The following SERINC3 variants were observed in gnomAD, a reference collection of about 807,000 sequenced individuals.
SERINC3 encodes the protein tumor differentially expressed protein 1.
SERINC3 carries 22 observed loss-of-function variants against 52.1 expected under a neutral mutation model. The observed-to-expected ratio is 0.42, with a 90% CI of 0.30 to 0.60. The LOEUF (loss-of-function observed/expected upper bound fraction) is 0.60, where lower values mean the gene tolerates loss of function less well. Among genes scored for constraint, SERINC3 ranks in the 20% least tolerant of loss-of-function variants. The pLI, the probability that SERINC3 is intolerant of heterozygous loss-of-function variation, is 0.16. For missense variants in SERINC3, 564 were observed against 584.6 expected (o/e 0.96, Z 0.36); for synonymous variants, 226 against 212.7 (o/e 1.06, Z -0.54).
chr20:44,514,101 A>G, intron 1 of SERINC3, 61 bp from the exon 2 acceptor site: 1 of 1,524,714 alleles, frequency 6.6e-7, no homozygotes, highest in Non-Finnish European at 8.8e-7. Flanking sequence ...TATGACACAG[A>G]TGTCGCAGAA....
chr20:44,515,775 C>T (rs764267132), intron 1 of SERINC3, among the ~76,000 whole-genome samples: 12 of 151,650 alleles, frequency 7.9e-5, no homozygotes, highest in Non-Finnish European at 1.5e-4. Context: ...TTTAGCCTCC[C>T]AAGTAGCTGG....
chr20:44,512,325 C>CAAAA (rs920134707), intron 3 of SERINC3, among the ~76,000 whole-genome samples: 2 of 49,344 alleles, frequency 4.1e-5, no homozygotes, highest in Admixed American at 5.1e-4. Context: ...AAAAACAAAA[C>CAAAA]AAAAAAAAAA....
At position 44,500,302 on chromosome 20, in the gene SERINC3, G is replaced by T; in HGVS notation, c.1416C>A (p.Phe472Leu). ...GTCCTTGGCACTCAGAGGTTCAGCT[G>T]AAGTCCCGACTGGTGAGGACAAGTG... Reference protein sequence around the residue: ...VAPLVLTSRDFS With the variant: ...VAPLVLTSRDLS Residue 472 changes from phenylalanine (F) to leucine (L), a missense_variant, in exon 10 of 10, where the codon TTC becomes TTA. Transcript: ENST00000342374. 3.1e-6 allele frequency: 5 copies of T among 1,611,828 alleles called. No individual in the cohort carries two copies. Among genetic ancestry groups the T allele is most frequent in the Non-Finnish European group, 4.2e-6 (5 of 1,179,076 alleles).
chr20:44,501,394 G>A (rs1189129799), intron 8 of SERINC3, 94 bp from the exon 9 acceptor site: 1 of 1,008,360 alleles, frequency 9.9e-7, no homozygotes, highest in Non-Finnish European at 1.5e-6. Flanking sequence ...CTGCTGAGCT[G>A]TTCCTACTTT....
downstream of SERINC3, chr20:44,496,378 C>T (rs1193275383): frequency 6.6e-6 from 1 of 152,336 alleles, no homozygotes; most frequent in African/African-American, 2.4e-5. Flanking sequence ...ACGGACAGAC[C>T]AACACAACAG....
chr20:44,515,377 A>G (rs1188030891), intron 1 of SERINC3, among the ~76,000 whole-genome samples: 6 of 152,228 alleles, frequency 3.9e-5, no homozygotes, highest in Admixed American at 2.0e-4. Context: ...TTATTCAGAC[A>G]TAATAGATAG....
chr20:44,510,715 C>T (rs73615468), intron 4 of SERINC3, among the ~76,000 whole-genome samples: 2,003 of 151,928 alleles, frequency 0.013, 22 homozygotes, highest in East Asian at 0.062. Flanking sequence ...GGGAGACTGA[C>T]GCAGAGAACT....
At chr20:44,513,807 A>G in intron 2 of SERINC3, 72 bp downstream of exon 2, 1 of 1,337,066 alleles carries the variant, frequency 7.5e-7, no homozygotes, top group Non-Finnish European at 1.0e-6. Context: ...AACAACGACG[A>G]AATAAAACTA....
intron 1 of SERINC3, among the ~76,000 whole-genome samples, chr20:44,518,241 A>G (rs2064392825): frequency 1.3e-5 from 2 of 149,116 alleles, no homozygotes; most frequent in South Asian, 4.2e-4. Context: ...CAGGCAGATC[A>G]CCTGAGGTCA....
At chr20:44,514,726 A>G (rs1211315885) in intron 1 of SERINC3, among the ~76,000 whole-genome samples, 2 of 152,144 alleles carry the variant, frequency 1.3e-5, no homozygotes, top group Non-Finnish European at 2.9e-5. Context: ...GCGCCACTGC[A>G]CTCCAGCCTG....
At chr20:44,504,610 A>C (rs1445604478) in intron 7 of SERINC3, among the ~76,000 whole-genome samples, 191 bp downstream of exon 7, 1 of 152,256 alleles carries the variant, frequency 6.6e-6, no homozygotes, top group African/African-American at 2.4e-5. Context: ...GTCAGTTATA[A>C]ATAGCTATCA....
chr20:44,510,058 T>C lies in SERINC3; in HGVS notation c.476-30A>G, dbSNP rs201452558. The C allele has an allele frequency of 2.5e-6, 4 of 1,608,472 alleles. No individual in the cohort carries two copies. The East Asian group carries it at 6.7e-5, about 27-fold the overall frequency. On this transcript the variant is annotated intron_variant, in intron 4 of 9. Coordinates refer to ENST00000342374, the MANE Select transcript of SERINC3 (RefSeq NM_006811.4). ...AAGAACCAAGAGAACAAAGTTATTCTCTACCATAGAGTAACATTTCAGAAG... is the reference window on the plus strand; with the variant it reads ...AAGAACCAAGAGAACAAAGTTATTCCCTACCATAGAGTAACATTTCAGAAG...
rs745780995 is a variant in SERINC3, at chr20:44,503,946, T to A, written c.924A>T (p.Ala308=). The A allele has an allele frequency of 2.5e-5, 40 of 1,604,934 alleles. No individual in the cohort carries two copies. The highest frequency in any genetic ancestry group is 3.2e-5 in the Non-Finnish European group (38 of 1,177,402). Residue 308 remains alanine, a synonymous_variant, in exon 8 of 10, where the codon GCA becomes GCT. Coordinates refer to ENST00000342374, the MANE Select transcript of SERINC3 (RefSeq NM_006811.4). The stretch of plus-strand genomic sequence containing the variant: ...TTGAATTTCCAGGAGCCAGGGTTGG[T>A]GCAGTTATGCGTGTAATAAAGCTCA... ...NLMSFITRIT[A]PTLAPGNSTA... is the part of the protein sequence containing the mutation.
At chr20:44,519,350 G>C in intron 1 of SERINC3, 1 of 864,882 alleles carries the variant, frequency 1.2e-6, no homozygotes, top group African/African-American at 1.8e-5. Context: ...CGGATCACGA[G>C]GTCAGGAGAT....
In SERINC3 at chr20:44,503,835, AACAAAG is replaced by A. The variant is rs1368754055; in HGVS notation, c.1029_1034del (p.Phe344_Val345del). 2 of 1,570,916 alleles carry A rather than the reference AACAAAG, an allele frequency of 1.3e-6. No individual in the cohort carries two copies. The highest frequency in any genetic ancestry group is 2.8e-5 in the African/African-American group (2 of 71,846). The stretch of plus-strand genomic sequence containing the variant: ...CTTACCTAGAATACAAGAGGCAGAG[AACAAAG>A]ACAAACAGTCCAATAAAATTATCTG... On this transcript the variant is annotated inframe_deletion, in exon 8 of 10. Transcript: ENST00000342374.
At chr20:44,503,006 T>C (rs2064289531) in intron 8 of SERINC3, among the ~76,000 whole-genome samples, 1 of 152,222 alleles carries the variant, frequency 6.6e-6, no homozygotes, top group African/African-American at 2.4e-5. Flanking sequence ...GAATTGTATT[T>C]AGAATAAAAC....
intron 6 of SERINC3, among the ~76,000 whole-genome samples, chr20:44,506,584 CAAAAAA>C (rs1191331026): frequency 0.19 from 2,554 of 13,708 alleles, 11 homozygotes; most frequent in African/African-American, 0.21. Flanking sequence ...GACTCCATCT[CAAAAAA>C]AAAAAAAAAA....
chr20:44,504,920 C>T, intron 6 of SERINC3, 29 bp from the exon 7 acceptor site: 2 of 1,581,234 alleles, frequency 1.3e-6, no homozygotes, highest in Non-Finnish European at 1.7e-6. Flanking sequence ...AACAGTGGCA[C>T]AGGGACTGCC....
At chr20:44,510,475 T>A (rs1331725789) in intron 4 of SERINC3, among the ~76,000 whole-genome samples, 1 of 152,092 alleles carries the variant, frequency 6.6e-6, no homozygotes. Flanking sequence ...TTCCAGAAAA[T>A]CTGAGAGGTG....
Sources: allele counts gnomAD v4.1 joint callset (sites outside exome capture counted in the v4.1 genomes callset), GRCh38; gene constraint gnomAD v4.1.1; transcripts MANE v1.5; gene names NCBI Gene and HGNC (gene_info 2026-07-23, HGNC 2026-07-21).